The following MAML2 variants were observed in gnomAD, a reference collection of about 807,000 sequenced individuals.
MAML2 encodes mastermind-like protein 2.
A neutral mutation model predicts 96.1 loss-of-function variants in MAML2; 22 were observed. The ratio of observed to expected loss-of-function variants is 0.23; its 90% CI spans 0.16 to 0.33. MAML2 has a LOEUF of 0.33. MAML2 is among the 10% of genes least tolerant of loss of function. The pLI, the probability that MAML2 is intolerant of heterozygous loss-of-function variation, is 1.00. For missense variants in MAML2, 1,367 were observed against 1,392.4 expected (o/e 0.98, Z 0.29); for synonymous variants, 561 against 521.3 (o/e 1.08, Z -1.04).
intron 1 of MAML2, among the ~76,000 whole-genome samples, chr11:96,295,692 ACAC>A (rs1863285981): frequency 6.6e-6 from 1 of 151,930 alleles, no homozygotes; most frequent in African/African-American, 2.4e-5. Flanking sequence ...ACACACACAC[ACAC>A]ACACACACAC....
chr11:96,270,043 C>A (rs1451660851), intron 1 of MAML2, among the ~76,000 whole-genome samples: 1 of 143,944 alleles, frequency 6.9e-6, no homozygotes, highest in East Asian at 2.0e-4. Flanking sequence ...GTCATATACA[C>A]AAATGATATC....
chr11:96,039,589 G>A (rs896441486), intron 2 of MAML2, among the ~76,000 whole-genome samples: 8 of 152,144 alleles, frequency 5.3e-5, no homozygotes, highest in Non-Finnish European at 1.0e-4. Context: ...AATAGTTTAG[G>A]ATAAGAAAGA....
chr11:96,103,854 C>T (rs1472977517), intron 1 of MAML2, among the ~76,000 whole-genome samples: 56 of 152,222 alleles, frequency 3.7e-4, no homozygotes, highest in Non-Finnish European at 1.2e-4. Flanking sequence ...AACCCAAACT[C>T]CAGCTACACT....
intron 1 of MAML2, among the ~76,000 whole-genome samples, chr11:96,157,957 G>C (rs1388410844): frequency 6.6e-6 from 1 of 151,930 alleles, no homozygotes; most frequent in Non-Finnish European, 1.5e-5. Flanking sequence ...AGCTTCAAGG[G>C]GTGGTCTCTA....
rs185375509 is a variant in MAML2 at position 96,342,462 on chromosome 11, A to C, written c.-567T>G. On this transcript the variant is annotated 5_prime_UTR_variant, in exon 1 of 5. Transcript: ENST00000524717. ...TCCTCAGGTTAAATAAAAAACCAAAACAAAACAAAACAGTGCTGTTTCAGA... is the reference window on the plus strand; with the variant it reads ...TCCTCAGGTTAAATAAAAAACCAAACCAAAACAAAACAGTGCTGTTTCAGA... 4.8e-4 allele frequency: 191 copies of C among 398,704 alleles called. No individual in the cohort carries two copies. The highest frequency in any genetic ancestry group is 3.4e-3 in the African/African-American group (164 of 48,750). The allele number at this position is 398,704 out of a possible 1,614,324, so 24.7% of individuals were successfully genotyped here.
intron 1 of MAML2, among the ~76,000 whole-genome samples, chr11:96,167,922 C>A (rs1049492614): frequency 2.0e-5 from 3 of 152,174 alleles, no homozygotes; most frequent in African/African-American, 7.2e-5. Flanking sequence ...TAGCAATTAA[C>A]AAGCATATGT....
chr11:96,016,459 T>C (rs1858354189), intron 2 of MAML2, among the ~76,000 whole-genome samples: 1 of 152,158 alleles, frequency 6.6e-6, no homozygotes, highest in Non-Finnish European at 1.5e-5. Context: ...TCAACACCCT[T>C]GCCAGACCCC....
intron 1 of MAML2, among the ~76,000 whole-genome samples, chr11:96,113,604 G>GGA (rs1555011479): frequency 3.6e-5 from 5 of 139,198 alleles, no homozygotes; most frequent in Non-Finnish European, 6.1e-5. Context: ...CCCGTTGTTT[G>GGA]AAAAAAAAAA....
chr11:96,143,545 T>C (rs1860767688), intron 1 of MAML2, among the ~76,000 whole-genome samples: 1 of 152,220 alleles, frequency 6.6e-6, no homozygotes, highest in African/African-American at 2.4e-5. Flanking sequence ...GGCGGTTTTT[T>C]ACTTCTGCAC....
intron 1 of MAML2, among the ~76,000 whole-genome samples, chr11:96,269,589 G>A (rs868253885): frequency 8.3e-5 from 12 of 144,178 alleles, no homozygotes; most frequent in Middle Eastern, 3.6e-3. Flanking sequence ...TCAGCTCACC[G>A]CAACCTCTGC....
chr11:96,136,093 G>A (rs1278200763), intron 1 of MAML2, among the ~76,000 whole-genome samples: 1 of 150,138 alleles, frequency 6.7e-6, no homozygotes, highest in Non-Finnish European at 1.5e-5. Context: ...AGGAATCAAC[G>A]TTTTGATCTA....
intron 1 of MAML2, among the ~76,000 whole-genome samples, chr11:96,307,939 A>G (rs1863487179): frequency 6.6e-6 from 1 of 152,170 alleles, no homozygotes. Flanking sequence ...ATCATTTTAT[A>G]GGGGAAAGGA....
chr11:96,309,434 A>G (rs774902072), intron 1 of MAML2, among the ~76,000 whole-genome samples: 3 of 152,222 alleles, frequency 2.0e-5, no homozygotes, highest in Non-Finnish European at 4.4e-5. Context: ...TCAACCCAGT[A>G]GCAGGATTGC....
At chr11:96,267,168 C>T (rs1344144527) in intron 1 of MAML2, among the ~76,000 whole-genome samples, 1 of 152,088 alleles carries the variant, frequency 6.6e-6, no homozygotes, top group African/African-American at 2.4e-5. Flanking sequence ...TTGAAGAAAA[C>T]AATAGTGGAG....
intron 1 of MAML2, among the ~76,000 whole-genome samples, chr11:96,173,825 T>C (rs1397866920): frequency 6.6e-6 from 1 of 152,212 alleles, no homozygotes; most frequent in Non-Finnish European, 1.5e-5. Context: ...TCCAATAACA[T>C]TCTGATTAGA....
At chr11:96,197,941 G>C (rs1861754948) in intron 1 of MAML2, among the ~76,000 whole-genome samples, 1 of 152,136 alleles carries the variant, frequency 6.6e-6, no homozygotes, top group Non-Finnish European at 1.5e-5. Context: ...TCAAAGTTCT[G>C]GACAGGAGAG....
chr11:96,324,633 G>A (rs921011524), intron 1 of MAML2, among the ~76,000 whole-genome samples: 3 of 152,178 alleles, frequency 2.0e-5, no homozygotes, highest in African/African-American at 7.2e-5. Context: ...CACCGATTAT[G>A]AGTCCCCACA....
At chr11:95,981,998 C>T (rs1591075818) in intron 4 of MAML2, among the ~76,000 whole-genome samples, 1 of 152,160 alleles carries the variant, frequency 6.6e-6, no homozygotes, top group East Asian at 1.9e-4. Context: ...AAGCTCCTAA[C>T]AGGTGACAGA....
At chr11:96,185,160 AG>A (rs1365254948) in intron 1 of MAML2, among the ~76,000 whole-genome samples, 2 of 148,328 alleles carry the variant, frequency 1.3e-5, no homozygotes, top group Non-Finnish European at 2.9e-5. Context: ...CTCTCAGTGG[AG>A]CTCCTTATCG....
Sources: gnomAD v4.1 joint callset for allele counts (sites outside exome capture counted in the v4.1 genomes callset) on GRCh38, gnomAD v4.1.1 for gene constraint, MANE v1.5 for transcripts, NCBI Gene and HGNC (gene_info 2026-07-23, HGNC 2026-07-21) for gene names.